Variants in LAMA1 observed in about 807,000 individuals in gnomAD.
LAMA1 encodes laminin subunit alpha 1.
Under a neutral mutation model 348.7 loss-of-function variants are expected in LAMA1, and 219 were observed. That is an observed-to-expected ratio of 0.63 (90% CI 0.56 to 0.70). LAMA1 has a LOEUF of 0.70. Ranked by LOEUF, LAMA1 falls within the 30% of genes least tolerant of loss-of-function variation. The pLI, the probability that LAMA1 is intolerant of heterozygous loss-of-function variation, is 0.00. For synonymous variants in LAMA1, 1,487 were observed against 1,491.0 expected (o/e 1.00, Z 0.06); for missense variants, 3,744 against 3,888.0 (o/e 0.96, Z 0.99).
intron 58 of LAMA1, among the ~76,000 whole-genome samples, chr18:6,949,793 C>T (rs1328778890): frequency 1.3e-5 from 2 of 152,170 alleles, no homozygotes; most frequent in Middle Eastern, 3.2e-3. Context: ...GGACCAAAAT[C>T]GCCTTTGTAA....
chr18:6,985,051 TATATGTAGGCCA>T (rs1255499844), intron 39 of LAMA1, among the ~76,000 whole-genome samples, 174 bp downstream of exon 39: 1 of 152,314 alleles, frequency 6.6e-6, no homozygotes, highest in East Asian at 1.9e-4. Context: ...TTTTCCACCA[TATATGTAGGCCA>T]ATGGTAAACT....
chr18:6,955,716 G>A (rs985153904), intron 56 of LAMA1: 4 of 591,548 alleles, frequency 6.8e-6, no homozygotes, highest in Non-Finnish European at 1.2e-5. Flanking sequence ...AATTCATAAG[G>A]ACACTGAAGT....
chr18:6,974,248 T>G (rs925739579), intron 46 of LAMA1, among the ~76,000 whole-genome samples: 4 of 152,122 alleles, frequency 2.6e-5, no homozygotes, highest in African/African-American at 9.7e-5. Flanking sequence ...TTGAATTAAT[T>G]TTTATTATAT....
chr18:6,956,690 CT>C lies in LAMA1; in HGVS notation c.8039del (p.Lys2680SerfsTer62). 6.2e-7 allele frequency: 1 copy of C among 1,614,214 alleles called. No individual in the cohort carries two copies. Among genetic ancestry groups the C allele is most frequent in the Non-Finnish European group, 8.5e-7 (1 of 1,180,038 alleles). ...LDTCWLSERP[K>X]LAPDAEDSKL... The stretch of plus-strand genomic sequence containing the variant: ...TGCTGTCCTCTGCATCGGGAGCCAG[CT>C]TAGGCCTTTCTGACAGCCAGCAGGT... On this transcript the variant is annotated frameshift_variant, in exon 56 of 63. Transcript: ENST00000389658. LOFTEE classifies it high-confidence loss of function.
rs146652610 is a variant in LAMA1, at chr18:6,971,977, G to T, written c.6779C>A (p.Ser2260Tyr). 4.5e-5 allele frequency: 72 copies of T among 1,613,962 alleles called. 1 individual carries two copies. In the African/African-American group the frequency reaches 7.9e-4, roughly 18 times the overall value. ...VGGLGGQIKK[S>Y]PAVKVTHFKG... ...AAAATGAGTAACCTTCACAGCAGGA[G>T]ATTTCTAATGCAAACAAGCAAACAA... Residue 2260 changes from serine (S) to tyrosine (Y), a missense_variant, in exon 48 of 63, where the codon TCT (serine) becomes TAT (tyrosine). Around this residue, in one of 3 missense-constraint regions of LAMA1, gnomAD observed 1,983 missense variants for 1,934.3 expected, o/e 1.03. Coordinates refer to ENST00000389658, the MANE Select transcript of LAMA1 (RefSeq NM_005559.4).
intron 32 of LAMA1, among the ~76,000 whole-genome samples, chr18:6,998,159 G>C (rs1201176176): frequency 1.3e-5 from 2 of 152,148 alleles, no homozygotes; most frequent in Non-Finnish European, 2.9e-5. Context: ...CTGAGGCCAA[G>C]AGTGGCGCCC....
At chr18:6,957,731 T>C (rs1195629947) in intron 55 of LAMA1, among the ~76,000 whole-genome samples, 1 of 152,106 alleles carries the variant, frequency 6.6e-6, no homozygotes, top group Non-Finnish European at 1.5e-5. Context: ...CATGGGCACA[T>C]GTCAGTTCTT....
In LAMA1 at chr18:6,961,725, T is replaced by C; in HGVS notation, c.7487A>G (p.Tyr2496Cys). ...CAAAGATTTGGGTGGCAATTCAATG[T>C]AGCCGCCTTTCAGGAAGCTAACACT... ...IRSVSFLKGG[Y>C]IELPPKSLSP... Residue 2496 changes from tyrosine (Y) to cysteine (C), a missense_variant, in exon 53 of 63, where the codon TAC (tyrosine) becomes TGC (cysteine). By Grantham distance (194) the Tyr-to-Cys change is radical. Around this residue, in one of 3 missense-constraint regions of LAMA1, gnomAD observed 1,983 missense variants for 1,934.3 expected, o/e 1.03. Transcript: ENST00000389658. The C allele has an allele frequency of 6.2e-7, 1 of 1,614,164 alleles. No individual in the cohort carries two copies. Among genetic ancestry groups the C allele is most frequent in the Non-Finnish European group, 8.5e-7 (1 of 1,180,018 alleles).
intron 1 of LAMA1, among the ~76,000 whole-genome samples, chr18:7,088,202 G>T (rs1011591758): frequency 6.6e-6 from 1 of 152,142 alleles, no homozygotes; most frequent in African/African-American, 2.4e-5. Flanking sequence ...CTCATAGCAC[G>T]ATTCGCCCGT....
At chr18:6,973,480 C>A (rs2057667679) in intron 46 of LAMA1, among the ~76,000 whole-genome samples, 2 of 152,092 alleles carry the variant, frequency 1.3e-5, no homozygotes, top group South Asian at 4.1e-4. Flanking sequence ...TAAATATTAT[C>A]CCATTTTGTA....
In LAMA1 at chr18:6,943,211, G is replaced by A. The variant is rs1468677458; in HGVS notation, c.9036C>T (p.Thr3012=). The change falls in exon 62 of 63, where the codon ACC becomes ACT. Residue 3012 remains threonine (T), a synonymous_variant. Coordinates refer to ENST00000389658, the MANE Select transcript of LAMA1 (RefSeq NM_005559.4). ...AGCCACCAACATAAATGGGATTGTT[G>A]GTGTCCACTGAGGTAGACTGGGTGT... is the stretch of plus-strand genomic sequence containing the variant. ...SPHTQSTSVD[T]NNPIYVGGYP... is the part of the protein sequence containing the mutation. 1 of 1,614,142 alleles carries A rather than the reference G, an allele frequency of 6.2e-7. No homozygotes were observed. Among genetic ancestry groups the A allele is most frequent in the Admixed American group, 1.7e-5 (1 of 60,018 alleles).
intron 1 of LAMA1, among the ~76,000 whole-genome samples, chr18:7,102,426 A>C (rs140122796): frequency 0.023 from 3,470 of 152,196 alleles, 71 homozygotes; most frequent in Non-Finnish European, 0.028. Flanking sequence ...CCTTAAAAAA[A>C]AGAAAAACCT....
chr18:7,112,850 GTCT>G (rs1568074315), intron 1 of LAMA1, among the ~76,000 whole-genome samples: 8 of 152,038 alleles, frequency 5.3e-5, no homozygotes, highest in Non-Finnish European at 8.8e-5. Flanking sequence ...GGTCAGTCTG[GTCT>G]TGAACTCCCG....
At chr18:6,973,009 G>T in intron 47 of LAMA1, 48 bp downstream of exon 47, 1 of 1,608,216 alleles carries the variant, frequency 6.2e-7, no homozygotes, top group Non-Finnish European at 8.5e-7. Flanking sequence ...TTATATATAG[G>T]TAAAATCAGT....
chr18:7,074,639 T>C (rs2058159562), intron 3 of LAMA1, among the ~76,000 whole-genome samples: 1 of 152,164 alleles, frequency 6.6e-6, no homozygotes, highest in Admixed American at 6.5e-5. Context: ...AATTTTGTAT[T>C]TGTTAAAGTT....
At chr18:7,033,273 T>C (rs1288083178) in intron 14 of LAMA1, among the ~76,000 whole-genome samples, 178 bp from the exon 15 acceptor site, 1 of 152,112 alleles carries the variant, frequency 6.6e-6, no homozygotes, top group Non-Finnish European at 1.5e-5. Context: ...GAGACCATCC[T>C]GGCTAATATG....
rs1600393606 is a variant in LAMA1, at chr18:7,013,666, A to G, written c.3363+149T>C. 5 of 736,766 alleles carry G rather than the reference A, an allele frequency of 6.8e-6. No individual in the cohort carries two copies. In the East Asian group the frequency reaches 1.1e-4, roughly 16 times the overall value. 45.6% of individuals were successfully genotyped at this position (736,766 alleles called of 1,614,324 possible). A position where few individuals can be genotyped will look rare whatever the true frequency, so the allele number is the denominator to read the frequency against. On this transcript the variant is annotated intron_variant, in intron 23 of 62. Coordinates refer to ENST00000389658, the MANE Select transcript of LAMA1 (RefSeq NM_005559.4). Reference sequence around the variant, plus strand: ...AAATCATCCGTCACTCTAGAGGAGCATAAGAGACTTTGAACTCAGATGCGG... The same window carrying G: ...AAATCATCCGTCACTCTAGAGGAGCGTAAGAGACTTTGAACTCAGATGCGG...
chr18:6,958,577 T>A lies in LAMA1; in HGVS notation c.7864A>T (p.Asn2622Tyr). The change falls in exon 55 of 63, where the codon AAT (asparagine) becomes TAT (tyrosine). Residue 2622 changes from asparagine to tyrosine, a missense_variant. By Grantham distance (143) the Asn-to-Tyr change is moderately radical. Transcript: ENST00000389658. ...TCTGGAATTCCCCCGACGTACAGAT[T>A]GGACACATTTATCGTCCTGCTTTCT... ...LVESRTINVS[N>Y]LYVGGIPEGE... 1 of 1,614,194 alleles carries A rather than the reference T, an allele frequency of 6.2e-7. No homozygotes were observed. The highest frequency in any genetic ancestry group is 8.5e-7 in the Non-Finnish European group (1 of 1,179,996).
chr18:6,987,106 T>G (rs2057738912), intron 36 of LAMA1, among the ~76,000 whole-genome samples: 1 of 152,222 alleles, frequency 6.6e-6, no homozygotes, highest in African/African-American at 2.4e-5. Flanking sequence ...TTATAAATGA[T>G]GAAGCTCATT....
Sources: allele counts gnomAD v4.1 joint callset (sites outside exome capture counted in the v4.1 genomes callset), GRCh38; gene constraint gnomAD v4.1.1; regional missense constraint gnomAD v4.1.1; transcripts MANE v1.5; gene names NCBI Gene and HGNC (gene_info 2026-07-23, HGNC 2026-07-21).